DNMT3A: variants seen among roughly 807,000 people sequenced by gnomAD.
DNMT3A encodes DNA (cytosine-5)-methyltransferase 3A.
Under a neutral mutation model 117.6 loss-of-function variants are expected in DNMT3A, and 267 were observed. The observed-to-expected ratio is 2.27, with a 90% CI of 2.05 to 2.51. DNMT3A has a LOEUF of 2.51. Ranked by LOEUF, DNMT3A falls within the 30% of genes most tolerant of loss-of-function variation. The pLI is 0.00. For synonymous variants in DNMT3A, 432 were observed against 474.8 expected (o/e 0.91, Z 1.17); for missense variants, 1,029 against 1,260.2 (o/e 0.82, Z 2.78).
intron 1 of DNMT3A, among the ~76,000 whole-genome samples, chr2:25,320,909 A>G (rs368728738): frequency 7.2e-5 from 11 of 152,294 alleles, no homozygotes; most frequent in African/African-American, 2.4e-4. Context: ...AGGAGGGTGG[A>G]TCACCTGAGG....
chr2:25,318,948 C>T (rs2034487873), intron 1 of DNMT3A, among the ~76,000 whole-genome samples: 1 of 151,322 alleles, frequency 6.6e-6, no homozygotes, highest in African/African-American at 2.4e-5. Flanking sequence ...ATCTGCCTGC[C>T]TCGGCCTCCC....
chr2:25,259,349 G>C (rs1204310526), intron 6 of DNMT3A, among the ~76,000 whole-genome samples: 1 of 152,174 alleles, frequency 6.6e-6, no homozygotes, highest in Non-Finnish European at 1.5e-5. Context: ...CGGATCTCAG[G>C]TGCCCCTTAC....
chr2:25,317,575 C>T (rs926367394), intron 1 of DNMT3A, among the ~76,000 whole-genome samples: 5 of 152,130 alleles, frequency 3.3e-5, no homozygotes, highest in Admixed American at 3.3e-4. Flanking sequence ...GTGTGAGAAA[C>T]GAGAGGCTGA....
intron 1 of DNMT3A, among the ~76,000 whole-genome samples, chr2:25,340,856 C>T (rs1481234144): frequency 6.9e-6 from 1 of 144,946 alleles, no homozygotes; most frequent in Non-Finnish European, 1.5e-5. Flanking sequence ...TTCCGGCCCC[C>T]GCGGCCCGGG....
chr2:25,279,484 C>T (rs2149374230), intron 4 of DNMT3A, among the ~76,000 whole-genome samples: 1 of 152,180 alleles, frequency 6.6e-6, no homozygotes, highest in African/African-American at 2.4e-5. Flanking sequence ...GACCGAGCCT[C>T]CACACCCTGA....
chr2:25,341,560 G>T (rs1558755160), intron 1 of DNMT3A, among the ~76,000 whole-genome samples: 2 of 146,438 alleles, frequency 1.4e-5, no homozygotes, highest in Admixed American at 6.8e-5. Flanking sequence ...GGGGGTCCGC[G>T]CCGGGAGCGG....
Position 25,240,441 on chromosome 2 carries a change from C to A in DNMT3A, c.2183G>T (p.Gly728Val). 6.2e-7 allele frequency: 1 copy of A among 1,607,794 alleles called. No homozygotes were observed. Among genetic ancestry groups the A allele is most frequent in the East Asian group, 2.2e-5 (1 of 44,874 alleles). ...PARKGLYEGT[G>V]RLFFEFYRLL... Reference sequence around the variant, plus strand: ...GCGGTAGAACTCAAAGAAGAGCCGGCCAGTGCCCTCTGAGAGGTCGGAAGA... The same window carrying A: ...GCGGTAGAACTCAAAGAAGAGCCGGACAGTGCCCTCTGAGAGGTCGGAAGA... The change falls in exon 19 of 23, where the codon GGC (glycine) becomes GTC (valine). Residue 728 changes from glycine (G) to valine (V), a missense_variant. By Grantham distance (109) the Gly-to-Val change is moderately radical. Transcript: ENST00000321117.
intron 1 of DNMT3A, among the ~76,000 whole-genome samples, chr2:25,324,326 G>A (rs2034708320): frequency 6.6e-6 from 1 of 152,246 alleles, no homozygotes; most frequent in East Asian, 1.9e-4. Context: ...GAGGCTTAAA[G>A]AGGTTTAATA....
At chr2:25,300,732 T>TACATATATAC (rs1558722892) in intron 2 of DNMT3A, among the ~76,000 whole-genome samples, 9 of 32,828 alleles carry the variant, frequency 2.7e-4, no homozygotes, top group African/African-American at 1.2e-3. Context: ...TATATATATA[T>TACATATATAC]ATATATATAT....
intron 13 of DNMT3A, 100 bp downstream of exon 13, chr2:25,245,153 G>T: frequency 1.8e-6 from 2 of 1,120,810 alleles, no homozygotes; most frequent in Non-Finnish European, 2.6e-6. Context: ...CACGCACACC[G>T]GGTGTCACCC....
intron 16 of DNMT3A, among the ~76,000 whole-genome samples, chr2:25,242,819 C>A (rs1383848263): frequency 6.6e-6 from 1 of 152,128 alleles, no homozygotes; most frequent in Non-Finnish European, 1.5e-5. Flanking sequence ...GCAAACAATG[C>A]CTGCAGGGTG....
chr2:25,235,389 TGGCCA>T (rs545999215), intron 22 of DNMT3A, among the ~76,000 whole-genome samples: 60 of 152,282 alleles, frequency 3.9e-4, no homozygotes, highest in African/African-American at 1.4e-3. Context: ...TTCGCCATGT[TGGCCA>T]GGCTGGTCTC....
Position 25,264,186 on chromosome 2 carries a change from C to T in DNMT3A, c.639+10755G>A, listed in dbSNP as rs556090533. On this transcript the variant is annotated intron_variant, in intron 6 of 22. Transcript: ENST00000321117. ...ACAAGGTCTCGCTCTGTCGCCCAGGCTGGAGTGCAGTGGCGCAATCTTGAC... is the reference window on the plus strand; with the variant it reads ...ACAAGGTCTCGCTCTGTCGCCCAGGTTGGAGTGCAGTGGCGCAATCTTGAC... Among the ~76,000 whole-genome samples, 305 of 130,558 alleles carry T rather than the reference C, an allele frequency of 2.3e-3. 1 individual carries two copies. Among genetic ancestry groups the T allele is most frequent in the African/African-American group, 8.6e-3 (297 of 34,364 alleles). The allele number at this position is 130,558 out of a possible 152,430, so 85.7% of individuals were successfully genotyped here.
At chr2:25,320,166 C>G (rs2034539012) in intron 1 of DNMT3A, among the ~76,000 whole-genome samples, 1 of 152,204 alleles carries the variant, frequency 6.6e-6, no homozygotes, top group Non-Finnish European at 1.5e-5. Context: ...AGCCAGAAAA[C>G]AGAGATTCCA....
intron 1 of DNMT3A, among the ~76,000 whole-genome samples, chr2:25,328,931 C>T (rs183370068): frequency 6.0e-4 from 91 of 152,266 alleles, no homozygotes; most frequent in Non-Finnish European, 1.0e-3. Context: ...CTGTGACCAC[C>T]CTCTCCCCAC....
chr2:25,274,863 AG>A (rs34476089), intron 6 of DNMT3A, 77 bp downstream of exon 6: 1 of 1,542,762 alleles, frequency 6.5e-7, no homozygotes, highest in Non-Finnish European at 8.8e-7. Context: ...GTTAGCCTGA[AG>A]GGGAAACTGA....
intron 1 of DNMT3A, among the ~76,000 whole-genome samples, chr2:25,330,081 T>C (rs2034958732): frequency 6.6e-6 from 1 of 152,234 alleles, no homozygotes; most frequent in Admixed American, 6.5e-5. Context: ...AAAAACCACA[T>C]AAACTTGGTT....
intron 16 of DNMT3A, among the ~76,000 whole-genome samples, chr2:25,243,384 C>T (rs569240074): frequency 5.3e-5 from 8 of 152,076 alleles, no homozygotes; most frequent in Non-Finnish European, 1.2e-4. Flanking sequence ...GTTACAAAAC[C>T]GTGTGCATTC....
At chr2:25,299,081 C>G (rs2033267975) in intron 3 of DNMT3A, among the ~76,000 whole-genome samples, 1 of 152,224 alleles carries the variant, frequency 6.6e-6, no homozygotes, top group African/African-American at 2.4e-5. Context: ...CTGACTCCCC[C>G]TTACCTTCTT....
Sources: gnomAD v4.1 joint callset for allele counts (sites outside exome capture counted in the v4.1 genomes callset) on GRCh38, gnomAD v4.1.1 for gene constraint, MANE v1.5 for transcripts, NCBI Gene and HGNC (gene_info 2026-07-23, HGNC 2026-07-21) for gene names.